The following RNF213 variants were observed in gnomAD, a reference collection of about 807,000 sequenced individuals.
RNF213 encodes the protein E3 ubiquitin-protein ligase RNF213.
A neutral mutation model predicts 514.4 loss-of-function variants in RNF213; 341 were observed. That is an observed-to-expected ratio of 0.66 (90% CI 0.61 to 0.73). RNF213 has a LOEUF of 0.73. Ranked by LOEUF, RNF213 falls within the 30% of genes least tolerant of loss-of-function variation. The pLI, the probability that RNF213 is intolerant of heterozygous loss-of-function variation, is 0.00. For synonymous variants in RNF213, 2,655 were observed against 2,658.2 expected, an observed-to-expected ratio of 1.00 and a Z score of 0.04; for missense variants, 5,767 against 6,615.6, an observed-to-expected ratio of 0.87 and a Z score of 4.45.
rs117781188 is a variant in RNF213 at position 80,352,304 on chromosome 17, T to A, written c.10303+501T>A. The A allele has an allele frequency of 5.3e-3, 1,080 of 205,456 alleles. 17 individuals are homozygous for A. Among genetic ancestry groups the A allele is most frequent in the South Asian group, 0.031 (326 of 10,396 alleles). 12.7% of individuals were successfully genotyped at this position (205,456 alleles called of 1,614,324 possible). The stretch of plus-strand genomic sequence containing the variant: ...CCACTGATTACCATGAAAACATGAA[T>A]CCTGGGATGGGAGGCTGCGTGCACC... On this transcript the variant is annotated intron_variant, in intron 32 of 67. Coordinates refer to ENST00000582970, the MANE Select transcript of RNF213 (RefSeq NM_001256071.3).
At chr17:80,308,952 A>G (rs557470025) in intron 13 of RNF213, 66 bp from the exon 14 acceptor site, 207 of 1,597,854 alleles carry the variant, frequency 1.3e-4, no homozygotes, top group South Asian at 1.2e-3. Context: ...CTAGTCATCA[A>G]TGGTAACCAT....
chr17:80,310,716 C>T (rs1259084545), intron 14 of RNF213, among the ~76,000 whole-genome samples: 1 of 152,146 alleles, frequency 6.6e-6, no homozygotes. Context: ...CTAAACCCAG[C>T]TAATTCTGTA....
At chr17:80,333,119 G>A (rs1391781605) in intron 21 of RNF213, among the ~76,000 whole-genome samples, 1 of 151,562 alleles carries the variant, frequency 6.6e-6, no homozygotes, top group Non-Finnish European at 1.5e-5. Flanking sequence ...CGCGATCTTG[G>A]CTCACTGCAA....
chr17:80,364,858 C>T (rs2079198458), intron 42 of RNF213: 1 of 392,098 alleles, frequency 2.6e-6, no homozygotes, highest in South Asian at 2.1e-5. Context: ...ATTACCTGGC[C>T]TTTGGAGTGA....
chr17:80,364,835 A>T, intron 42 of RNF213: 1 of 420,440 alleles, frequency 2.4e-6, no homozygotes, highest in South Asian at 2.1e-5. Context: ...TGCTTGTGAA[A>T]CCTTCGGCAG....
rs2078606740 is a variant in RNF213 at position 80,353,436 on chromosome 17, A to G, written c.10424-76A>G. 2 of 1,492,290 alleles carry G rather than the reference A, an allele frequency of 1.3e-6. No homozygotes were observed. Among genetic ancestry groups the G allele is most frequent in the Non-Finnish European group, 1.8e-6 (2 of 1,092,852 alleles). 92.4% of individuals were successfully genotyped at this position (1,492,290 alleles called of 1,614,324 possible). A position where few individuals can be genotyped will look rare whatever the true frequency, so the allele number is the denominator to read the frequency against. On this transcript the variant is annotated intron_variant, in intron 33 of 67. Transcript: ENST00000582970. This position sits in a 1 kb window ranked among gnomAD's most constrained non-coding sequence, Gnocchi z 5.0. Reference sequence around the variant, plus strand: ...CTGCACTCGGAGGCTGAGCACACAGACTCCCAGATGGCACCGCTGCCAGTC... The same window carrying G: ...CTGCACTCGGAGGCTGAGCACACAGGCTCCCAGATGGCACCGCTGCCAGTC...
intron 57 of RNF213, chr17:80,382,575 A>G (rs897172732): frequency 4.2e-6 from 1 of 237,430 alleles, no homozygotes; most frequent in African/African-American, 2.3e-5. Context: ...AGTCACACTG[A>G]TGAAATGACA....
chr17:80,290,387 G>C (rs1349710696), intron 6 of RNF213, among the ~76,000 whole-genome samples, 183 bp from the exon 7 acceptor site: 3 of 151,448 alleles, frequency 2.0e-5, no homozygotes, highest in Non-Finnish European at 4.4e-5. Flanking sequence ...GTGCACGTGT[G>C]TGCGTGTACG....
At chr17:80,267,975 A>G (rs1034669184) in intron 2 of RNF213, among the ~76,000 whole-genome samples, 1 of 151,880 alleles carries the variant, frequency 6.6e-6, no homozygotes, top group South Asian at 2.1e-4. Context: ...GTGTGCCACC[A>G]CTTCCGGCTA....
At chr17:80,267,548 G>A (rs184270481) in intron 2 of RNF213, among the ~76,000 whole-genome samples, 22 of 152,342 alleles carry the variant, frequency 1.4e-4, no homozygotes, top group African/African-American at 5.0e-4. Context: ...GGTCAAACCA[G>A]TCACAACATT....
intron 3 of RNF213, among the ~76,000 whole-genome samples, chr17:80,285,656 C>T (rs1182859200): frequency 6.6e-6 from 1 of 151,990 alleles, no homozygotes; most frequent in Non-Finnish European, 1.5e-5. Context: ...TCTTCTTCTG[C>T]AGCTGCTTCT....
intron 10 of RNF213, among the ~76,000 whole-genome samples, chr17:80,297,837 A>G (rs1210527696): frequency 6.6e-6 from 1 of 151,702 alleles, no homozygotes; most frequent in African/African-American, 2.4e-5. Context: ...GTGCACCTGT[A>G]ATTCCAGCAC....
chr17:80,313,272 C>G (rs889208991), intron 15 of RNF213, 105 bp downstream of exon 15: 1 of 1,422,850 alleles, frequency 7.0e-7, no homozygotes, highest in African/African-American at 1.4e-5. Context: ...AGTTGTTGGC[C>G]TTCACCTGAG....
intron 11 of RNF213, 78 bp downstream of exon 11, chr17:80,298,596 G>A (rs1645368991): frequency 6.9e-7 from 1 of 1,457,848 alleles, no homozygotes; most frequent in Non-Finnish European, 9.6e-7. Flanking sequence ...GTCCCGGTGG[G>A]CTCTGCAGTG....
rs2078224680 is a variant in RNF213 at position 80,343,617 on chromosome 17, A to G, written c.6184-240A>G. Among the ~76,000 whole-genome samples the G allele has an allele frequency of 1.3e-5, 2 of 152,190 alleles. No homozygotes were observed. Among genetic ancestry groups the G allele is most frequent in the Admixed American group, 1.3e-4 (2 of 15,274 alleles). On this transcript the variant is annotated intron_variant, in intron 27 of 67. Coordinates refer to ENST00000582970, the MANE Select transcript of RNF213 (RefSeq NM_001256071.3). The surrounding 1 kb of genome is among the most constrained non-coding windows in gnomAD (Gnocchi z 4.3). ...ACCTGTGCTGCATATGGCTGTTCTG[A>G]ATCCTGGAGCCAATTGTAAAACGGT...
Position 80,390,056 on chromosome 17 carries a change from C to T in RNF213, c.15330C>T (p.Ser5110=). 6.2e-7 allele frequency: 1 copy of T among 1,614,202 alleles called. No homozygotes were observed. Among genetic ancestry groups the T allele is most frequent in the South Asian group, 1.1e-5 (1 of 91,086 alleles). The change falls in exon 67 of 68, where the codon AGC becomes AGT. Residue 5110 remains serine, a synonymous_variant. Transcript: ENST00000582970. ...EISSRYKADL[S]PENAKLLSTF... The stretch of plus-strand genomic sequence containing the variant: ...GTTCAAGGTACAAAGCGGATCTGAG[C>T]CCGGAAAATGCTAAGCTCCTCAGCA...
In RNF213 at chr17:80,393,419, C is replaced by G; in HGVS notation, c.15545C>G (p.Pro5182Arg). 6.2e-7 allele frequency: 1 copy of G among 1,614,178 alleles called. No individual in the cohort carries two copies. Among genetic ancestry groups the G allele is most frequent in the Non-Finnish European group, 8.5e-7 (1 of 1,179,998 alleles). The part of the protein sequence containing the change: ...EILPEMASQF[P>R]EEILLASCVS... The stretch of plus-strand genomic sequence containing the variant: ...CTTCCTGAAATGGCATCTCAGTTCC[C>G]AGAAGAGATACTGCTCGCCAGCTGT... Residue 5182 changes from proline to arginine, a missense_variant, in exon 68 of 68, where the codon CCA (proline) becomes CGA (arginine). Transcript: ENST00000582970.
chr17:80,334,482 TCACCTTGCCA>T, intron 22 of RNF213: 1 of 459,270 alleles, frequency 2.2e-6, no homozygotes. Context: ...TAAAAGCCAC[TCACCTTGCCA>T]CACCCCGCCA....
At chr17:80,360,329 C>A in intron 38 of RNF213, 123 bp downstream of exon 38, 1 of 1,159,008 alleles carries the variant, frequency 8.6e-7, no homozygotes, top group Non-Finnish European at 1.3e-6. Context: ...AGTTTTCACA[C>A]TTTGTTTGTG....
Sources: allele counts gnomAD v4.1 joint callset (sites outside exome capture counted in the v4.1 genomes callset), GRCh38; gene constraint gnomAD v4.1.1; non-coding constraint Gnocchi (gnomAD v3.1); transcripts MANE v1.5; gene names NCBI Gene and HGNC (gene_info 2026-07-23, HGNC 2026-07-21).